MTHFS: variants seen among roughly 807,000 people sequenced by gnomAD.
MTHFS encodes 5-formyltetrahydrofolate cyclo-ligase.
Under a neutral mutation model 12.7 loss-of-function variants are expected in MTHFS, and 7 were observed. That is an observed-to-expected ratio of 0.55 (90% CI 0.31 to 1.03). The LOEUF (loss-of-function observed/expected upper bound fraction) is 1.03, where lower values mean the gene tolerates loss of function less well. Among genes scored for constraint, MTHFS ranks in the 50% least tolerant of loss-of-function variants. The probability of loss-of-function intolerance (pLI) is 0.05; values close to 1 mark genes in which losing one functional copy is unlikely to be tolerated. For missense variants in MTHFS, 252 were observed against 258.1 expected (o/e 0.98, Z 0.16); for synonymous variants, 100 against 97.1 (o/e 1.03, Z -0.18).
intron 2 of MTHFS, among the ~76,000 whole-genome samples, chr15:79,853,354 C>T (rs1004375340): frequency 2.0e-5 from 3 of 152,172 alleles, no homozygotes; most frequent in African/African-American, 7.2e-5. Flanking sequence ...GTTATCTGTG[C>T]AGGCTTTTAC....
Position 79,896,740 on chromosome 15 carries a change from CGTGCGCGCGCCGGG to C in MTHFS, c.117+118_117+131del. ...GGCGTGCGCGCGCCGGGAGGGGAAA[CGTGCGCGCGCCGGG>C]GGGTGGGGGGGCGCCTAGCCCAGCG... On this transcript the variant is annotated intron_variant, in intron 1 of 2. Coordinates refer to ENST00000258874, the MANE Select transcript of MTHFS (RefSeq NM_006441.4). 3 of 1,132,720 alleles carry C rather than the reference CGTGCGCGCGCCGGG, an allele frequency of 2.6e-6. No homozygotes were observed. In the Admixed American group the frequency reaches 1.0e-4, roughly 39 times the overall value. 70.2% of individuals were successfully genotyped at this position (1,132,720 alleles called of 1,614,324 possible).
chr15:79,863,409 T>A (rs995667926), intron 2 of MTHFS, among the ~76,000 whole-genome samples: 6 of 152,218 alleles, frequency 3.9e-5, no homozygotes, highest in Non-Finnish European at 8.8e-5. Context: ...AAATCCCAGA[T>A]GTGTGACATA....
At chr15:79,878,861 C>CTTTTTTTTT (rs34987412) in intron 2 of MTHFS, among the ~76,000 whole-genome samples, 1 of 146,004 alleles carries the variant, frequency 6.8e-6, no homozygotes, top group Non-Finnish European at 1.5e-5. Context: ...AGCTTATTCC[C>CTTTTTTTTT]TTTTTTTTTT....
chr15:79,844,877 T>G lies in MTHFS; in HGVS notation c.*333A>C, dbSNP rs2033581322. 3.3e-6 allele frequency: 1 copy of G among 305,614 alleles called. No individual in the cohort carries two copies. The highest frequency in any genetic ancestry group is 2.2e-5 in the African/African-American group (1 of 45,816). The allele number at this position is 305,614 out of a possible 1,614,324, so 18.9% of individuals were successfully genotyped here. On this transcript the variant is annotated 3_prime_UTR_variant, in exon 3 of 3. Transcript: ENST00000258874. ...AAATACAGTGCCCACTCCCGCAAGT[T>G]TACCTTCCTCTCGCACTCAGTCGGA...
intron 2 of MTHFS, chr15:79,875,778 A>T (rs1385024989): frequency 2.0e-5 from 3 of 152,180 alleles, no homozygotes; most frequent in Non-Finnish European, 4.4e-5. Context: ...AGAGTGAAAA[A>T]ACACAATGGG....
chr15:79,875,692 A>T (rs1189941832), intron 2 of MTHFS, among the ~76,000 whole-genome samples: 1 of 152,172 alleles, frequency 6.6e-6, no homozygotes, highest in Admixed American at 6.5e-5. Context: ...TATGATACCA[A>T]AAGCACAAGT....
intron 1 of MTHFS, among the ~76,000 whole-genome samples, chr15:79,891,776 T>C (rs1228327488): frequency 6.6e-6 from 1 of 152,042 alleles, no homozygotes; most frequent in African/African-American, 2.4e-5. Flanking sequence ...GAGGCCAGCC[T>C]GACCAACATG....
At chr15:79,874,240 A>C (rs2034152192) in intron 2 of MTHFS, among the ~76,000 whole-genome samples, 1 of 152,214 alleles carries the variant, frequency 6.6e-6, no homozygotes, top group South Asian at 2.1e-4. Flanking sequence ...TCTAGAAATT[A>C]GTCAAAGGCT....
Position 79,845,221 on chromosome 15 carries a change from A to G in MTHFS, c.601T>C (p.Ser201Pro), listed in dbSNP as rs2033587524. 6.2e-7 allele frequency: 1 copy of G among 1,614,204 alleles called. No homozygotes were observed. The stretch of plus-strand genomic sequence containing the variant: ...GTAGTAATCCAGATTTAAGCTGTTG[A>G]CGAGTCTTCGTAAAGGACTTCATCT... ...KVDEVLYEDS[S>P]TA The change falls in exon 3 of 3, where the codon TCA becomes CCA. Residue 201 changes from serine to proline, a missense_variant. Coordinates refer to ENST00000258874, the MANE Select transcript of MTHFS (RefSeq NM_006441.4).
chr15:79,854,881 G>T (rs2033773467), intron 2 of MTHFS, among the ~76,000 whole-genome samples: 1 of 152,120 alleles, frequency 6.6e-6, no homozygotes. Flanking sequence ...AACTACAATT[G>T]TATATGAAAG....
At chr15:79,860,794 C>A (rs1373080788) in intron 2 of MTHFS, among the ~76,000 whole-genome samples, 1 of 152,040 alleles carries the variant, frequency 6.6e-6, no homozygotes, top group Non-Finnish European at 1.5e-5. Context: ...CTGAGAATAA[C>A]TTTTTCAATA....
Position 79,896,809 on chromosome 15 carries a change from C to A in MTHFS, c.117+63G>T, listed in dbSNP as rs1360102316. Reference sequence around the variant, plus strand: ...CACGGACCATGCACAGATCAGCAATCGCTGGCCGCCAGGCCTTCGGAGGGT... The same window carrying A: ...CACGGACCATGCACAGATCAGCAATAGCTGGCCGCCAGGCCTTCGGAGGGT... On this transcript the variant is annotated intron_variant, in intron 1 of 2. Coordinates refer to ENST00000258874, the MANE Select transcript of MTHFS (RefSeq NM_006441.4). 3.3e-6 allele frequency: 5 copies of A among 1,514,018 alleles called. No homozygotes were observed. The African/African-American group carries it at 5.6e-5, about 17-fold the overall frequency. The allele number at this position is 1,514,018 out of a possible 1,614,324, so 93.8% of individuals were successfully genotyped here. A position where few individuals can be genotyped will look rare whatever the true frequency, so the allele number is the denominator to read the frequency against.
chr15:79,887,721 T>C (rs1002228224), intron 2 of MTHFS, among the ~76,000 whole-genome samples: 1 of 152,236 alleles, frequency 6.6e-6, no homozygotes, highest in African/African-American at 2.4e-5. Context: ...CCTTATTATC[T>C]CATTGCCTTA....
At chr15:79,882,887 C>T (rs565563525) in intron 2 of MTHFS, among the ~76,000 whole-genome samples, 13 of 152,168 alleles carry the variant, frequency 8.5e-5, no homozygotes, top group African/African-American at 3.1e-4. Context: ...AGTCCGGGAC[C>T]GATGTTAACT....
At position 79,870,867 on chromosome 15, in the gene MTHFS, G is replaced by A. The variant is rs574807463; in HGVS notation, c.379+18226C>T. ...TAGAAAGAAAAAGCACATTGGCCGG[G>A]CGTGGTGGCTCATGCTTGTATTCCC... On this transcript the variant is annotated intron_variant, in intron 2 of 2. Coordinates refer to ENST00000258874, the MANE Select transcript of MTHFS (RefSeq NM_006441.4). Among the ~76,000 whole-genome samples the A allele has an allele frequency of 3.9e-3, 601 of 152,338 alleles. 4 individuals carry two copies. Among genetic ancestry groups the A allele is most frequent in the African/African-American group, 0.014 (562 of 41,568 alleles).
At chr15:79,878,955 T>C (rs894158058) in intron 2 of MTHFS, among the ~76,000 whole-genome samples, 16 of 151,158 alleles carry the variant, frequency 1.1e-4, no homozygotes, top group African/African-American at 3.9e-4. Flanking sequence ...AAGAGCAAAG[T>C]TGCTGTATTT....
chr15:79,893,189 G>A (rs2034504238), intron 1 of MTHFS, among the ~76,000 whole-genome samples: 1 of 151,818 alleles, frequency 6.6e-6, no homozygotes, highest in Non-Finnish European at 1.5e-5. Context: ...TGGATCATGA[G>A]GTCAGGAGTT....
intron 2 of MTHFS, among the ~76,000 whole-genome samples, chr15:79,880,162 T>C (rs1032970515): frequency 6.6e-6 from 1 of 152,178 alleles, no homozygotes; most frequent in African/African-American, 2.4e-5. Context: ...CTCTGCCTCC[T>C]GGGTTCACAC....
chr15:79,869,479 G>A, intron 2 of MTHFS, among the ~76,000 whole-genome samples: 1 of 152,078 alleles, frequency 6.6e-6, no homozygotes, highest in East Asian at 1.9e-4. Flanking sequence ...GTCTTGCTCT[G>A]TTGCCCAGGT....
Sources: allele counts gnomAD v4.1 joint callset (sites outside exome capture counted in the v4.1 genomes callset), GRCh38; gene constraint gnomAD v4.1.1; transcripts MANE v1.5; gene names NCBI Gene and HGNC (gene_info 2026-07-23, HGNC 2026-07-21).